The following SMARCA1 variants were observed in gnomAD, a reference collection of about 807,000 sequenced individuals.
SMARCA1 encodes SNF2 related chromatin remodeling ATPase 1.
A neutral mutation model predicts 93.6 loss-of-function variants in SMARCA1; 17 were observed. The ratio of observed to expected loss-of-function variants is 0.18; its 90% CI spans 0.12 to 0.27. The LOEUF (loss-of-function observed/expected upper bound fraction) is 0.27. Ranked by LOEUF, SMARCA1 falls within the 10% of genes least tolerant of loss-of-function variation. The probability of loss-of-function intolerance (pLI) is 1.00; values close to 1 mark genes in which losing one functional copy is unlikely to be tolerated. For synonymous variants in SMARCA1, 271 were observed against 271.4 expected, an observed-to-expected ratio of 1.00 and a Z score of 0.01; for missense variants, 630 against 819.0, an observed-to-expected ratio of 0.77 and a Z score of 2.82.
Position 129,497,997 on chromosome X carries a change from T to C in SMARCA1, c.1352A>G (p.Asn451Ser). ...ACACTTTCGAAGCTGCATCAGAATG[T>C]TTAAGAGTCGCATCTTGTCCATCTT... The part of the protein sequence containing the change: ...SGKMDKMRLL[N>S]ILMQLRKCCN... Residue 451 changes from asparagine (N) to serine (S), a missense_variant, in exon 11 of 25, where the codon AAC becomes AGC. Transcript: ENST00000371121. 2 of 1,208,764 alleles carry C rather than the reference T, an allele frequency of 1.7e-6. No individual in the cohort carries two copies. Among genetic ancestry groups the C allele is most frequent in the Non-Finnish European group, 2.2e-6 (2 of 892,812 alleles).
chrX:129,509,635 TTTAGAG>T (rs758408619), intron 6 of SMARCA1, among the ~76,000 whole-genome samples: 1 of 112,333 alleles, frequency 8.9e-6, no homozygotes, highest in Admixed American at 9.5e-5. Flanking sequence ...ATTGGATACA[TTTAGAG>T]TTAAACATCT....
chrX:129,521,456 G>C (rs967360971), intron 1 of SMARCA1, among the ~76,000 whole-genome samples: 3 of 112,281 alleles, frequency 2.7e-5, no homozygotes, highest in African/African-American at 9.7e-5. Context: ...TCATTTCCCT[G>C]TCCTGGGTGG....
Position 129,523,429 on chromosome X carries a change from G to T in SMARCA1, c.-59C>A. 1 of 994,540 alleles carries T rather than the reference G, an allele frequency of 1.0e-6. No individual in the cohort carries two copies. The highest frequency in any genetic ancestry group is 3.2e-5 in the East Asian group (1 of 31,546). 82.0% of individuals were successfully genotyped at this position (994,540 alleles called of 1,213,427 possible). The stretch of plus-strand genomic sequence containing the variant: ...CAGGGGACGAGGGCTCCTGGGCGGC[G>T]GCAGTGGCTGCACTGGAAAGAGCTA... On this transcript the variant is annotated 5_prime_UTR_variant, in exon 1 of 25. Transcript: ENST00000371121.
rs760278220 is a variant in SMARCA1, at chrX:129,447,490, TG to T, written c.3142-258del. On this transcript the variant is annotated intron_variant, in intron 24 of 24. Transcript: ENST00000371121. Reference sequence around the variant, plus strand: ...TAGTCATCAAGTATCTACTTACACATGGTATTATAAATGTACTCTTATCTTA... The same window carrying T: ...TAGTCATCAAGTATCTACTTACACATGTATTATAAATGTACTCTTATCTTA... Among the ~76,000 whole-genome samples, 460 of 111,891 alleles carry T rather than the reference TG, an allele frequency of 4.1e-3. 1 individual carries two copies. The highest frequency in any genetic ancestry group is 0.014 in the African/African-American group (439 of 30,892).
intron 23 of SMARCA1, among the ~76,000 whole-genome samples, chrX:129,456,869 T>C (rs1932654066): frequency 8.9e-6 from 1 of 112,327 alleles, no homozygotes; most frequent in Non-Finnish European, 1.9e-5. Context: ...GCTGTGAACA[T>C]TGTTGAGATG....
chrX:129,514,555 C>T (rs1236963038), intron 5 of SMARCA1, among the ~76,000 whole-genome samples: 1 of 112,374 alleles, frequency 8.9e-6, no homozygotes, highest in African/African-American at 3.2e-5. Context: ...TTCACACATG[C>T]ATATATTCAG....
intron 23 of SMARCA1, among the ~76,000 whole-genome samples, chrX:129,456,620 G>T (rs1481064345): frequency 1.8e-5 from 2 of 112,135 alleles, no homozygotes; most frequent in Non-Finnish European, 3.8e-5. Context: ...ATATTAACAA[G>T]AGTTTAGAAG....
At chrX:129,467,546 G>A (rs1475595995) in intron 21 of SMARCA1, among the ~76,000 whole-genome samples, 1 of 110,004 alleles carries the variant, frequency 9.1e-6, no homozygotes, top group African/African-American at 3.3e-5. Flanking sequence ...ATATCATGCT[G>A]GTATGAAGGA....
rs777452277 is a variant in SMARCA1, at chrX:129,481,145, C to G, written c.2258G>C (p.Arg753Pro). Residue 753 changes from arginine (R) to proline (P), a missense_variant, in exon 18 of 25, where the codon CGC becomes CCC. This residue lies in a region of SMARCA1 where 382 missense variants were observed against 537.9 expected (regional missense o/e 0.71). Coordinates refer to ENST00000371121, the MANE Select transcript of SMARCA1 (RefSeq NM_001282874.2). ...VEWIEPPKRE[R>P]KANYAVDAYF... ...GGCATCCACTGCGTAGTTTGCTTTG[C>G]GTTCTCGTTTAGGAGGTTCAATCCA... is the stretch of plus-strand genomic sequence containing the variant. The G allele has an allele frequency of 5.0e-6, 6 of 1,206,286 alleles. No homozygotes were observed. The highest frequency in any genetic ancestry group is 6.7e-6 in the Non-Finnish European group (6 of 891,346).
rs768121634 is a variant in SMARCA1, at chrX:129,497,814, T to A, written c.1504+31A>T. 8.6e-6 allele frequency: 8 copies of A among 932,605 alleles called. No individual in the cohort carries two copies. The South Asian group carries it at 1.2e-4, about 14-fold the overall frequency. 76.9% of individuals were successfully genotyped at this position (932,605 alleles called of 1,213,427 possible). ...TATACAAGTCATTAATATAAATTTATTCCATGCTAATTTAAAAATTTATTA... is the reference window on the plus strand; with the variant it reads ...TATACAAGTCATTAATATAAATTTAATCCATGCTAATTTAAAAATTTATTA... On this transcript the variant is annotated intron_variant, in intron 11 of 24. Transcript: ENST00000371121.
At chrX:129,519,385 A>G (rs1406860172) in intron 1 of SMARCA1, among the ~76,000 whole-genome samples, 1 of 112,279 alleles carries the variant, frequency 8.9e-6, no homozygotes, top group Admixed American at 9.4e-5. Context: ...ACTTTGCATA[A>G]GAGAAAACAC....
At chrX:129,449,233 A>T (rs1932162384) in intron 23 of SMARCA1, among the ~76,000 whole-genome samples, 1 of 112,089 alleles carries the variant, frequency 8.9e-6, no homozygotes, top group Non-Finnish European at 1.9e-5. Flanking sequence ...TCTATGGTCA[A>T]AATAAGTTTT....
chrX:129,514,868 T>C (rs1262616849), intron 5 of SMARCA1, among the ~76,000 whole-genome samples: 1 of 109,579 alleles, frequency 9.1e-6, no homozygotes, highest in East Asian at 2.9e-4. Flanking sequence ...GCCAAAACGG[T>C]GAAACCCCAT....
intron 16 of SMARCA1, among the ~76,000 whole-genome samples, chrX:129,488,610 TAAAAAAAAAAA>T (rs35620990): frequency 1.5e-5 from 1 of 64,949 alleles, no homozygotes; most frequent in Admixed American, 1.9e-4. Context: ...CCTGTCTCTT[TAAAAAAAAAAA>T]AAAAAAAAAA....
chrX:129,516,041 G>T, intron 3 of SMARCA1, 47 bp from the exon 4 acceptor site: 1 of 918,706 alleles, frequency 1.1e-6, no homozygotes, highest in Non-Finnish European at 1.6e-6. Flanking sequence ...TAAATGATAA[G>T]GTATCAATTA....
At chrX:129,480,859 T>A in intron 18 of SMARCA1, 45 bp from the exon 19 acceptor site, 1 of 784,569 alleles carries the variant, frequency 1.3e-6, no homozygotes, top group Non-Finnish European at 1.9e-6. Flanking sequence ...TTTCAGTACA[T>A]GAAGTAAACT....
At chrX:129,522,417 T>G (rs1054364923) in intron 1 of SMARCA1, among the ~76,000 whole-genome samples, 1 of 105,862 alleles carries the variant, frequency 9.4e-6, no homozygotes, top group Non-Finnish European at 1.9e-5. Context: ...GAGGGACCAT[T>G]GGGGTGGCCC....
At chrX:129,484,472 G>A (rs913915611) in intron 17 of SMARCA1, among the ~76,000 whole-genome samples, 2 of 111,265 alleles carry the variant, frequency 1.8e-5, no homozygotes, top group Admixed American at 9.6e-5. Context: ...CAGAAACAAA[G>A]CATTATCAGC....
intron 23 of SMARCA1, among the ~76,000 whole-genome samples, chrX:129,452,757 T>C (rs1424325287): frequency 8.9e-6 from 1 of 112,118 alleles, no homozygotes; most frequent in East Asian, 2.8e-4. Flanking sequence ...AGGATCAAAG[T>C]ACAGGCGTAT....
Sources: allele counts gnomAD v4.1 joint callset (sites outside exome capture counted in the v4.1 genomes callset), GRCh38; gene constraint gnomAD v4.1.1; regional missense constraint gnomAD v4.1.1; transcripts MANE v1.5; gene names NCBI Gene and HGNC (gene_info 2026-07-23, HGNC 2026-07-21).